CACNA1I: variants seen among roughly 807,000 people sequenced by gnomAD.
CACNA1I encodes the protein calcium voltage-gated channel subunit alpha1 I.
Under a neutral mutation model 201.6 loss-of-function variants are expected in CACNA1I, and 74 were observed. The observed-to-expected ratio is 0.37, with a 90% CI of 0.30 to 0.45. The LOEUF (loss-of-function observed/expected upper bound fraction) is 0.45. CACNA1I is among the 20% of genes least tolerant of loss of function. The pLI is 1.00. For missense variants in CACNA1I, 2,346 were observed against 3,138.1 expected, an observed-to-expected ratio of 0.75 and a Z score of 6.03; for synonymous variants, 1,431 against 1,345.2, an observed-to-expected ratio of 1.06 and a Z score of -1.40.
In CACNA1I at chr22:39,641,045, C is replaced by A; in HGVS notation, c.919C>A (p.Arg307Ser). 1.9e-6 allele frequency: 3 copies of A among 1,614,034 alleles called. No individual in the cohort carries two copies. Among genetic ancestry groups the A allele is most frequent in the Non-Finnish European group, 2.5e-6 (3 of 1,179,902 alleles). Residue 307 changes from arginine (R) to serine (S), a missense_variant, in exon 6 of 37, where the codon CGC becomes AGC. By Grantham distance (110) the Arg-to-Ser change is moderately radical. Transcript: ENST00000402142. Reference protein sequence around the residue: ...KDDVYDFGAGRQDLNASGLCV... With the variant: ...KDDVYDFGAGSQDLNASGLCV... ...CGACGTCTACGACTTTGGGGCGGGGCGCCAGGACCTCAATGCCAGCGGCCT... is the reference window on the plus strand; with the variant it reads ...CGACGTCTACGACTTTGGGGCGGGGAGCCAGGACCTCAATGCCAGCGGCCT...
Position 39,660,417 on chromosome 22 carries a change from A to T in CACNA1I, c.2678A>T (p.Glu893Val). The change falls in exon 15 of 37, where the codon GAA becomes GTA. Residue 893 changes from glutamate (E) to valine (V), a missense_variant. Around this residue, in one of 13 missense-constraint regions of CACNA1I, gnomAD observed 92 missense variants for 114.5 expected, o/e 0.80. Transcript: ENST00000402142. ...SNIEEFDKLQ[E>V]GLDSSGDPKL... is the part of the protein sequence containing the mutation. ...ATAGAAGAGTTTGATAAGCTCCAGG[A>T]AGGCCTGGACAGCAGCGGAGGTAAA... 2 of 1,612,106 alleles carry T rather than the reference A, an allele frequency of 1.2e-6. No individual in the cohort carries two copies. The highest frequency in any genetic ancestry group is 1.7e-6 in the Non-Finnish European group (2 of 1,179,320).
At chr22:39,653,413 G>A (rs1934712249) in intron 10 of CACNA1I, among the ~76,000 whole-genome samples, 1 of 152,180 alleles carries the variant, frequency 6.6e-6, no homozygotes. Context: ...CCGCTCGCTC[G>A]GCTCCCAGAC....
At chr22:39,602,319 C>T (rs1933092208) in intron 3 of CACNA1I, among the ~76,000 whole-genome samples, 1 of 151,726 alleles carries the variant, frequency 6.6e-6, no homozygotes, top group Non-Finnish European at 1.5e-5. Context: ...AAGCTTTCCT[C>T]CCACCTCAGC....
chr22:39,686,175 A>G lies in CACNA1I; in HGVS notation c.6442A>G (p.Thr2148Ala). The G allele has an allele frequency of 2.4e-6, 3 of 1,274,718 alleles. No individual in the cohort carries two copies. Among genetic ancestry groups the G allele is most frequent in the South Asian group, 2.5e-5 (1 of 40,082 alleles). 79.0% of individuals were successfully genotyped at this position (1,274,718 alleles called of 1,614,324 possible). Residue 2148 changes from threonine to alanine, a missense_variant, in exon 37 of 37, where the codon ACG becomes GCG. By Grantham distance (58) the Thr-to-Ala change is moderately conservative (BLOSUM62 0). Coordinates refer to ENST00000402142, the MANE Select transcript of CACNA1I (RefSeq NM_021096.4). ...GCCCCCGCCGCCAGCCCCCGGCCTC[A>G]CGCCCGCCAGGAAGTTCAGCAGCAC... ...PPPPPPAPGLTPARKFSSTSS... is the reference protein window; with the variant it reads ...PPPPPPAPGLAPARKFSSTSS...
At chr22:39,572,279 T>C (rs1241961339) in intron 1 of CACNA1I, among the ~76,000 whole-genome samples, 1 of 151,868 alleles carries the variant, frequency 6.6e-6, no homozygotes, top group East Asian at 1.9e-4. Flanking sequence ...GGTGGCCTTG[T>C]GGTTTGAGGG....
rs1297696701 is a variant in CACNA1I at position 39,629,950 on chromosome 22, C to G, written c.581-4615C>G. On this transcript the variant is annotated intron_variant, in intron 4 of 36. Coordinates refer to ENST00000402142, the MANE Select transcript of CACNA1I (RefSeq NM_021096.4). This position sits in a 1 kb window ranked among gnomAD's most constrained non-coding sequence, Gnocchi z 4.8. Reference sequence around the variant, plus strand: ...TCACGTCTCCCTTCTGCTCCATGACCCTTTGGAGAAGCTCAAGTCTTCCAG... The same window carrying G: ...TCACGTCTCCCTTCTGCTCCATGACGCTTTGGAGAAGCTCAAGTCTTCCAG... Among the ~76,000 whole-genome samples the G allele has an allele frequency of 2.0e-5, 3 of 152,172 alleles. No individual in the cohort carries two copies. The highest frequency in any genetic ancestry group is 2.9e-5 in the Non-Finnish European group (2 of 68,028).
Position 39,661,201 on chromosome 22 carries a change from G to A in CACNA1I, c.2792G>A (p.Gly931Glu). 1.9e-6 allele frequency: 3 copies of A among 1,612,370 alleles called. No homozygotes were observed. The highest frequency in any genetic ancestry group is 2.5e-6 in the Non-Finnish European group (3 of 1,179,462). Residue 931 changes from glycine (G) to glutamate (E), a missense_variant, in exon 16 of 37, where the codon GGA (glycine) becomes GAA (glutamate). Coordinates refer to ENST00000402142, the MANE Select transcript of CACNA1I (RefSeq NM_021096.4). The part of the protein sequence containing the change: ...GGHLGPAGAA[G>E]PAPRLSLQPD... ...CACCTAGGTCCTGCTGGGGCTGCGG[G>A]ACCTGCCCCCCGACTCTCACTGCAG...
intron 1 of CACNA1I, among the ~76,000 whole-genome samples, chr22:39,586,232 G>A (rs1440892189): frequency 2.0e-5 from 3 of 152,004 alleles, no homozygotes; most frequent in Non-Finnish European, 4.4e-5. Context: ...GCTTATGCTT[G>A]TAATTCCAGC....
chr22:39,636,253 C>T (rs73424175), intron 5 of CACNA1I, among the ~76,000 whole-genome samples: 3,860 of 152,342 alleles, frequency 0.025, 167 homozygotes, highest in African/African-American at 0.086. Context: ...GGCCCCAGCC[C>T]TGTCTCGGCT....
chr22:39,648,991 C>G lies in CACNA1I; in HGVS notation c.1568-510C>G, dbSNP rs752401610. On this transcript the variant is annotated intron_variant, in intron 9 of 36. Coordinates refer to ENST00000402142, the MANE Select transcript of CACNA1I (RefSeq NM_021096.4). This position sits in a 1 kb window ranked among gnomAD's most constrained non-coding sequence, Gnocchi z 5.4. ...TGCCCCAGGGCTCCATGCCTCCTCC[C>G]CTCCCTGGGAAGCAAACCTCACCCC... 6.6e-6 allele frequency among the ~76,000 whole-genome samples: 1 copy of G among 152,170 alleles called. No individual in the cohort carries two copies. The highest frequency in any genetic ancestry group is 2.4e-5 in the African/African-American group (1 of 41,448).
In CACNA1I at chr22:39,662,850, T is replaced by C; in HGVS notation, c.3447T>C (p.Ser1149=). 1 of 1,598,812 alleles carries C rather than the reference T, an allele frequency of 6.3e-7. No individual in the cohort carries two copies. Among genetic ancestry groups the C allele is most frequent in the Non-Finnish European group, 8.5e-7 (1 of 1,172,912 alleles). The change falls in exon 18 of 37, where the codon TCT becomes TCC. Residue 1149 remains serine (S), a synonymous_variant. Coordinates refer to ENST00000402142, the MANE Select transcript of CACNA1I (RefSeq NM_021096.4). ...GGTGCGAGGTCCGCGAAGACTGGTC[T>C]GTCTACCTCTTCTCTCCCGAGAACA... ...PDWCEVREDW[S]VYLFSPENRF... is the part of the protein sequence containing the mutation.
At chr22:39,600,739 T>G in intron 3 of CACNA1I, 86 bp downstream of exon 3, 1 of 1,449,420 alleles carries the variant, frequency 6.9e-7, no homozygotes, top group Middle Eastern at 2.4e-4. Context: ...CTGATGGCGA[T>G]GAAGGGGAAT....
chr22:39,603,151 CAA>C (rs11430018), intron 3 of CACNA1I, among the ~76,000 whole-genome samples: 10 of 132,458 alleles, frequency 7.5e-5, no homozygotes, highest in Admixed American at 1.6e-4. Flanking sequence ...AAGACCCTGT[CAA>C]AAAAAAAAAA....
intron 3 of CACNA1I, among the ~76,000 whole-genome samples, chr22:39,612,322 T>A (rs1474282485): frequency 6.6e-6 from 1 of 152,188 alleles, no homozygotes; most frequent in Non-Finnish European, 1.5e-5. Context: ...ATTTCTTTTT[T>A]AAAAATAAAT....
rs1019442742 is a variant in CACNA1I, at chr22:39,675,710, A to G, written c.4855-1631A>G. Among the ~76,000 whole-genome samples the G allele has an allele frequency of 3.3e-5, 5 of 152,294 alleles. 1 individual carries two copies. Among genetic ancestry groups the G allele is most frequent in the Middle Eastern group, 6.8e-3 (2 of 294 alleles). On this transcript the variant is annotated intron_variant, in intron 29 of 36. Transcript: ENST00000402142. ...TCTGCCCCAAGAAGAGGGAGGAGGC[A>G]TCAGAGAAGGCTTCTCAGGGGAGGT...
Position 39,598,378 on chromosome 22 carries a change from C to T in CACNA1I, c.348+116C>T, listed in dbSNP as rs1198452835. On this transcript the variant is annotated intron_variant, in intron 2 of 36. Coordinates refer to ENST00000402142, the MANE Select transcript of CACNA1I (RefSeq NM_021096.4). ...CTGGCCTTGCCCCGCCCACTCCATG[C>T]CCCGCCCCGCTCCGTGCCCTTCCCC... is the stretch of plus-strand genomic sequence containing the variant. 8 of 634,486 alleles carry T rather than the reference C, an allele frequency of 1.3e-5. No individual in the cohort carries two copies. The African/African-American group carries it at 1.5e-4, about 12-fold the overall frequency. 39.3% of individuals were successfully genotyped at this position (634,486 alleles called of 1,614,324 possible).
intron 3 of CACNA1I, among the ~76,000 whole-genome samples, chr22:39,614,057 A>C (rs1388612056): frequency 6.6e-6 from 1 of 152,092 alleles, no homozygotes; most frequent in Non-Finnish European, 1.5e-5. Context: ...CATGTTAGCC[A>C]GGCTGGTCTT....
intron 20 of CACNA1I, 33 bp from the exon 21 acceptor site, chr22:39,664,706 G>T: frequency 2.3e-6 from 1 of 433,268 alleles, no homozygotes; most frequent in Non-Finnish European, 3.7e-6. Flanking sequence ...CCCCTCCCGC[G>T]GCAGCCTGAC....
At chr22:39,591,220 C>G (rs1422914907) in intron 1 of CACNA1I, among the ~76,000 whole-genome samples, 1 of 147,316 alleles carries the variant, frequency 6.8e-6, no homozygotes, top group Non-Finnish European at 1.5e-5. Context: ...AGTGCAATGG[C>G]GCGATCTCAG....
Sources: gnomAD v4.1 joint callset for allele counts (sites outside exome capture counted in the v4.1 genomes callset) on GRCh38, gnomAD v4.1.1 for gene constraint, gnomAD v4.1.1 regional missense constraint, Gnocchi (gnomAD v3.1) non-coding constraint, MANE v1.5 for transcripts, NCBI Gene and HGNC (gene_info 2026-07-23, HGNC 2026-07-21) for gene names.